ARHGAP33: variants seen among roughly 807,000 people sequenced by gnomAD.
ARHGAP33 encodes the protein rho GTPase-activating protein 33.
Under a neutral mutation model 126.2 loss-of-function variants are expected in ARHGAP33, and 57 were observed. The observed-to-expected ratio is 0.45, with a 90% CI of 0.36 to 0.56. ARHGAP33 has a LOEUF of 0.56. Among genes scored for constraint, ARHGAP33 ranks in the 20% least tolerant of loss-of-function variants. The probability of loss-of-function intolerance (pLI) is 0.00; values close to 1 mark genes in which losing one functional copy is unlikely to be tolerated. For synonymous variants in ARHGAP33, 711 were observed against 755.0 expected, an observed-to-expected ratio of 0.94 and a Z score of 0.95; for missense variants, 1,500 against 1,748.3, an observed-to-expected ratio of 0.86 and a Z score of 2.53.
chr19:35,783,782 G>A (rs1256804502), intron 15 of ARHGAP33, among the ~76,000 whole-genome samples: 1 of 152,050 alleles, frequency 6.6e-6, no homozygotes, highest in Non-Finnish European at 1.5e-5. Context: ...TGGAACTCAG[G>A]TGGTCTCAGG....
At chr19:35,776,924 T>C (rs1483386982) in intron 1 of ARHGAP33, among the ~76,000 whole-genome samples, 1 of 151,952 alleles carries the variant, frequency 6.6e-6, no homozygotes, top group African/African-American at 2.4e-5. Context: ...CACATGTGAG[T>C]TGGGACCTGA....
At chr19:35,777,466 C>G in intron 1 of ARHGAP33, 179 bp from the exon 2 acceptor site, 1 of 616,818 alleles carries the variant, frequency 1.6e-6, no homozygotes, top group Non-Finnish European at 2.9e-6. Flanking sequence ...CCAGACCACA[C>G]ACGAAGAAGC....
chr19:35,785,159 A>T, intron 17 of ARHGAP33, 30 bp from the exon 18 acceptor site: 3 of 1,578,762 alleles, frequency 1.9e-6, no homozygotes, highest in Non-Finnish European at 2.6e-6. Flanking sequence ...GGTTCCTCAG[A>T]CGGCCTCCTG....
chr19:35,782,298 G>T lies in ARHGAP33; in HGVS notation c.1086-75G>T. 1 of 1,535,640 alleles carries T rather than the reference G, an allele frequency of 6.5e-7. No homozygotes were observed. On this transcript the variant is annotated intron_variant, in intron 12 of 20. Transcript: ENST00000007510. The surrounding 1 kb of genome is among the most constrained non-coding windows in gnomAD (Gnocchi z 4.1). Reference sequence around the variant, plus strand: ...TCCACCTGCGGGCACTTGGGGGTAGGGGCAAGGGGAGCATGGCCACGTGAG... The same window carrying T: ...TCCACCTGCGGGCACTTGGGGGTAGTGGCAAGGGGAGCATGGCCACGTGAG...
At chr19:35,779,910 T>C in intron 6 of ARHGAP33, 1 of 527,914 alleles carries the variant, frequency 1.9e-6, no homozygotes, top group East Asian at 4.8e-5. Flanking sequence ...TGGCATCTGC[T>C]GTGGAGGATG....
chr19:35,786,464 T>C lies in ARHGAP33; in HGVS notation c.1994T>C (p.Phe665Ser). The change falls in exon 20 of 21, where the codon TTC becomes TCC. Residue 665 changes from phenylalanine (F) to serine (S), a missense_variant. Phe to Ser is a radical substitution (Grantham distance 155, BLOSUM62 -2). Around this residue, in one of 6 missense-constraint regions of ARHGAP33, gnomAD observed 300 missense variants for 291.1 expected, o/e 1.03. Coordinates refer to ENST00000007510, the MANE Select transcript of ARHGAP33 (RefSeq NM_001366178.1). This position sits in a 1 kb window ranked among gnomAD's most constrained non-coding sequence, Gnocchi z 7.0. Reference protein sequence around the residue: ...LRRPHSSSDAFPVGPAPAGSC... With the variant: ...LRRPHSSSDASPVGPAPAGSC... The stretch of plus-strand genomic sequence containing the variant: ...CGACCCCACTCCAGCAGCGACGCTT[T>C]CCCTGTGGGCCCAGCACCTGCTGGC... 2 of 1,535,834 alleles carry C rather than the reference T, an allele frequency of 1.3e-6. No homozygotes were observed. Among genetic ancestry groups the C allele is most frequent in the Non-Finnish European group, 1.7e-6 (2 of 1,146,748 alleles).
At position 35,780,244 on chromosome 19, in the gene ARHGAP33, G is replaced by A; in HGVS notation, c.535G>A (p.Glu179Lys). ...DNHGRRLLLS[E>K]EASLNIPAVA... is the part of the protein sequence containing the mutation. ...TCACGGCCGGCGACTGCTCCTCAGT[G>A]AGGAGGCGTCACTCAATATCCCTGC... is the stretch of plus-strand genomic sequence containing the variant. Residue 179 changes from glutamate to lysine, a missense_variant, in exon 7 of 21, where the codon GAG (glutamate) becomes AAG (lysine). Physicochemically the swap from Glu to Lys is moderately conservative, Grantham distance 56. Around this residue, in one of 6 missense-constraint regions of ARHGAP33, gnomAD observed 75 missense variants for 152.7 expected, o/e 0.49. Transcript: ENST00000007510. 6 of 1,613,990 alleles carry A rather than the reference G, an allele frequency of 3.7e-6. No homozygotes were observed. Among genetic ancestry groups the A allele is most frequent in the Non-Finnish European group, 3.4e-6 (4 of 1,180,022 alleles).
At position 35,788,150 on chromosome 19, in the gene ARHGAP33, C is replaced by T. The variant is rs777672502; in HGVS notation, c.3585C>T (p.Ser1195=). The T allele has an allele frequency of 1.2e-6, 2 of 1,609,990 alleles. No homozygotes were observed. Among genetic ancestry groups the T allele is most frequent in the South Asian group, 1.1e-5 (1 of 90,966 alleles). The change falls in exon 21 of 21, where the codon AGC becomes AGT. Residue 1195 remains serine (S), a synonymous_variant. Transcript: ENST00000007510. Reference sequence around the variant, plus strand: ...CTTCCCCTCCTGCCCACCCCCGAAGCCGTTCAGATCCCGGTCCCCCAGTCC... The same window carrying T: ...CTTCCCCTCCTGCCCACCCCCGAAGTCGTTCAGATCCCGGTCCCCCAGTCC... ...SSSSPPAHPR[S]RSDPGPPVPR...
rs1599803568 is a variant in ARHGAP33 at position 35,787,296 on chromosome 19, G to A, written c.2731G>A (p.Val911Met). 3 of 1,612,584 alleles carry A rather than the reference G, an allele frequency of 1.9e-6. No individual in the cohort carries two copies. The highest frequency in any genetic ancestry group is 2.5e-6 in the Non-Finnish European group (3 of 1,179,556). Residue 911 changes from valine (V) to methionine (M), a missense_variant, in exon 21 of 21, where the codon GTG (valine) becomes ATG (methionine). Physicochemically the swap from Val to Met is conservative, Grantham distance 21. Around this residue, in one of 6 missense-constraint regions of ARHGAP33, gnomAD observed 642 missense variants for 634.0 expected, o/e 1.01. Transcript: ENST00000007510. The stretch of plus-strand genomic sequence containing the variant: ...GGCCCTGGCTGAGCGGGCTCAGCAG[G>A]TGGCCGAGCAACAGAGCCAGCAGGA... ...ALALAERAQQ[V>M]AEQQSQQECG...
intron 3 of ARHGAP33, 81 bp from the exon 4 acceptor site, chr19:35,778,199 A>T (rs1411731275): frequency 8.1e-6 from 12 of 1,484,602 alleles, no homozygotes; most frequent in Non-Finnish European, 6.5e-6. Flanking sequence ...AGGGAGTCAC[A>T]AACCCGTCCC....
At chr19:35,784,631 C>G in intron 16 of ARHGAP33, 1 of 1,292,406 alleles carries the variant, frequency 7.7e-7, no homozygotes. Context: ...CGCCCCGGCC[C>G]CACCCAGACT....
In ARHGAP33 at chr19:35,788,698, C is replaced by T. The variant is rs1266168471; in HGVS notation, c.*269C>T. 2.4e-6 allele frequency: 1 copy of T among 420,822 alleles called. No individual in the cohort carries two copies. Among genetic ancestry groups the T allele is most frequent in the Non-Finnish European group, 4.2e-6 (1 of 237,420 alleles). The allele number at this position is 420,822 out of a possible 1,614,324, so 26.1% of individuals were successfully genotyped here. A position where few individuals can be genotyped will look rare whatever the true frequency, so the allele number is the denominator to read the frequency against. ...GCTAGGCTGACCCCATCCTCCTCTC[C>T]CTCCAGGAGCCCCCAGCATGTCCTG... On this transcript the variant is annotated 3_prime_UTR_variant, in exon 21 of 21. Transcript: ENST00000007510.
rs377694192 is a variant in ARHGAP33, at chr19:35,780,563, T to C, written c.703-19T>C. ...CTGCCAACTGGGGTGGCCCAGCTAC[T>C]GACCCTGACCTTCCTCAGGTCGGGT... On this transcript the variant is annotated intron_variant, in intron 8 of 20. Transcript: ENST00000007510. 35 of 1,613,632 alleles carry C rather than the reference T, an allele frequency of 2.2e-5. No individual in the cohort carries two copies. The highest frequency in any genetic ancestry group is 2.0e-4 in the South Asian group (18 of 91,082).
At position 35,777,880 on chromosome 19, in the gene ARHGAP33, A is replaced by T. The variant is rs758245363; in HGVS notation, c.161A>T (p.Tyr54Phe). The change falls in exon 3 of 21, where the codon TAC (tyrosine) becomes TTC (phenylalanine). Residue 54 changes from tyrosine (Y) to phenylalanine (F), a missense_variant. Tyr to Phe is a conservative substitution (Grantham distance 22). Around this residue, in one of 6 missense-constraint regions of ARHGAP33, gnomAD observed 129 missense variants for 145.9 expected, o/e 0.88. Transcript: ENST00000007510. The stretch of plus-strand genomic sequence containing the variant: ...CTGGCTGACTGCGCCCATTTCCACT[A>T]CGAGAACGTTGACTTTGGCCACATT... ...PRLADCAHFH[Y>F]ENVDFGHIQL... 1.9e-6 allele frequency: 3 copies of T among 1,614,158 alleles called. No individual in the cohort carries two copies. The highest frequency in any genetic ancestry group is 1.7e-6 in the Non-Finnish European group (2 of 1,180,014).
chr19:35,786,503 T>G lies in ARHGAP33; in HGVS notation c.2033T>G (p.Leu678Arg). Residue 678 changes from leucine (L) to arginine (R), a missense_variant, in exon 20 of 21, where the codon CTG becomes CGG. Physicochemically the swap from Leu to Arg is moderately radical, Grantham distance 102. Around this residue, in one of 6 missense-constraint regions of ARHGAP33, gnomAD observed 300 missense variants for 291.1 expected, o/e 1.03. Transcript: ENST00000007510. The surrounding 1 kb of genome is among the most constrained non-coding windows in gnomAD (Gnocchi z 7.0). Reference protein sequence around the residue: ...GPAPAGSCESLSSSSSSESSS... With the variant: ...GPAPAGSCESRSSSSSSESSS... ...GCACCTGCTGGCTCCTGCGAGAGCC[T>G]GTCCTCGTCCTCCTCCTCCGAGTCC... The G allele has an allele frequency of 3.9e-6, 6 of 1,535,988 alleles. No individual in the cohort carries two copies. The highest frequency in any genetic ancestry group is 4.4e-6 in the Non-Finnish European group (5 of 1,146,794).
In ARHGAP33 at chr19:35,788,434, C is replaced by T. The variant is rs1972244732; in HGVS notation, c.*5C>T. 6.5e-7 allele frequency: 1 copy of T among 1,534,202 alleles called. No homozygotes were observed. The highest frequency in any genetic ancestry group is 2.4e-5 in the East Asian group (1 of 41,122). Reference sequence around the variant, plus strand: ...CAGACCCGAAGCTACTGCTGAGCACCAGCTGGGAGGGGCCGTCCTTCCTTC... The same window carrying T: ...CAGACCCGAAGCTACTGCTGAGCACTAGCTGGGAGGGGCCGTCCTTCCTTC... On this transcript the variant is annotated 3_prime_UTR_variant, in exon 21 of 21. Coordinates refer to ENST00000007510, the MANE Select transcript of ARHGAP33 (RefSeq NM_001366178.1).
rs768808973 is a variant in ARHGAP33 at position 35,778,438 on chromosome 19, T to A, written c.271-26T>A. The A allele has an allele frequency of 3.7e-6, 6 of 1,614,136 alleles. No homozygotes were observed. The South Asian group carries it at 6.6e-5, about 18-fold the overall frequency. ...CAGCTCGGTGTCATGGGGCCCCTGC[T>A]CCCTTCTGTCCCTCTGCTCCCACAG... On this transcript the variant is annotated intron_variant, in intron 4 of 20. Coordinates refer to ENST00000007510, the MANE Select transcript of ARHGAP33 (RefSeq NM_001366178.1).
chr19:35,788,689 C>T lies in ARHGAP33; in HGVS notation c.*260C>T, dbSNP rs1355341135. The T allele has an allele frequency of 2.3e-6, 1 of 435,424 alleles. No homozygotes were observed. Among genetic ancestry groups the T allele is most frequent in the Non-Finnish European group, 4.1e-6 (1 of 246,772 alleles). The allele number at this position is 435,424 out of a possible 1,614,324, so 27.0% of individuals were successfully genotyped here. A position where few individuals can be genotyped will look rare whatever the true frequency, so the allele number is the denominator to read the frequency against. On this transcript the variant is annotated 3_prime_UTR_variant, in exon 21 of 21. Transcript: ENST00000007510. ...GTGGGAGGGGCTAGGCTGACCCCAT[C>T]CTCCTCTCCCTCCAGGAGCCCCCAG...
chr19:35,788,104 C>A lies in ARHGAP33; in HGVS notation c.3539C>A (p.Ser1180Ter). ...CTAGCTCTAGGGCCCAGGGGTCCCT[C>A]ACCTGCCTCTTCCTCCTCCTCTTCC... ...VNLALGPRGPSPASSSSSSPP... is the reference protein window; with the variant it reads ...VNLALGPRGP The change falls in exon 21 of 21, where the codon TCA becomes TAA. Residue 1180 changes from serine (S) to a stop codon, truncating the protein, a stop_gained. Transcript: ENST00000007510. LOFTEE classifies it high-confidence loss of function. 2 of 1,612,044 alleles carry A rather than the reference C, an allele frequency of 1.2e-6. No homozygotes were observed. Among genetic ancestry groups the A allele is most frequent in the Non-Finnish European group, 1.7e-6 (2 of 1,179,274 alleles).
Sources: gnomAD v4.1 joint callset for allele counts (sites outside exome capture counted in the v4.1 genomes callset) on GRCh38, gnomAD v4.1.1 for gene constraint, gnomAD v4.1.1 regional missense constraint, Gnocchi (gnomAD v3.1) non-coding constraint, MANE v1.5 for transcripts, NCBI Gene and HGNC (gene_info 2026-07-23, HGNC 2026-07-21) for gene names.